The following SHANK2 variants were observed in gnomAD, a reference collection of about 807,000 sequenced individuals.
SHANK2 encodes SH3 and multiple ankyrin repeat domains protein 2.
In SHANK2, 43 loss-of-function variants were observed where a neutral mutation model predicts 133.7. That is an observed-to-expected ratio of 0.32 (90% CI 0.25 to 0.41). The LOEUF (loss-of-function observed/expected upper bound fraction) is 0.41, where lower values mean the gene tolerates loss of function less well. SHANK2 is among the 10% of genes least tolerant of loss of function. SHANK2 has a pLI of 1.00. For synonymous variants in SHANK2, 1,017 were observed against 952.8 expected (o/e 1.07, Z -1.24); for missense variants, 1,994 against 2,235.8 (o/e 0.89, Z 2.18).
chr11:70,848,443 T>C (rs929650114), intron 11 of SHANK2, among the ~76,000 whole-genome samples: 3 of 152,200 alleles, frequency 2.0e-5, no homozygotes, highest in Non-Finnish European at 2.9e-5. Context: ...TGAAGATGAC[T>C]GTGCAAAATA....
intron 17 of SHANK2, among the ~76,000 whole-genome samples, chr11:70,540,215 G>T (rs1554974916): frequency 6.6e-6 from 1 of 152,168 alleles, no homozygotes; most frequent in African/African-American, 2.4e-5. Flanking sequence ...GTGAGTTATG[G>T]GCATGCTTGT....
chr11:70,618,665 G>C (rs1229467071), intron 17 of SHANK2, among the ~76,000 whole-genome samples: 1 of 152,204 alleles, frequency 6.6e-6, no homozygotes, highest in Non-Finnish European at 1.5e-5. Context: ...AATTAACACC[G>C]ACTGGGAGAG....
intron 10 of SHANK2, among the ~76,000 whole-genome samples, chr11:70,903,330 T>C (rs1555077197): frequency 6.6e-6 from 1 of 151,304 alleles, no homozygotes; most frequent in African/African-American, 2.4e-5. Context: ...TGAGCTGAGA[T>C]TGCACCACTG....
At chr11:70,750,289 G>C (rs1946726629) in intron 14 of SHANK2, among the ~76,000 whole-genome samples, 1 of 152,226 alleles carries the variant, frequency 6.6e-6, no homozygotes, top group Non-Finnish European at 1.5e-5. Flanking sequence ...AAGGTTCAGA[G>C]TGCATGGGAG....
At chr11:71,236,000 G>A (rs879967972) in intron 1 of SHANK2, among the ~76,000 whole-genome samples, 3 of 152,192 alleles carry the variant, frequency 2.0e-5, no homozygotes, top group Non-Finnish European at 2.9e-5. Context: ...AGGTGCTGGC[G>A]GCAGAGCCAG....
At chr11:70,788,715 C>T (rs1346131345) in intron 14 of SHANK2, among the ~76,000 whole-genome samples, 1 of 152,170 alleles carries the variant, frequency 6.6e-6, no homozygotes, top group Non-Finnish European at 1.5e-5. Context: ...CCTGCCCAGC[C>T]CTGACCCCAG....
At chr11:71,095,294 A>G (rs1555095139) in intron 6 of SHANK2, among the ~76,000 whole-genome samples, 1 of 152,224 alleles carries the variant, frequency 6.6e-6, no homozygotes, top group Non-Finnish European at 1.5e-5. Flanking sequence ...CTGCCTTTGT[A>G]GGGACAAGGG....
chr11:70,717,909 A>G (rs1304180359), intron 14 of SHANK2, among the ~76,000 whole-genome samples: 1 of 152,192 alleles, frequency 6.6e-6, no homozygotes, highest in African/African-American at 2.4e-5. Flanking sequence ...GGAATGTTTC[A>G]TCCATGAGGA....
chr11:70,522,577 T>G (rs1554971245), intron 17 of SHANK2, among the ~76,000 whole-genome samples: 1 of 152,212 alleles, frequency 6.6e-6, no homozygotes, highest in African/African-American at 2.4e-5. Context: ...CTATCGTCTC[T>G]CATCCTACCC....
intron 17 of SHANK2, among the ~76,000 whole-genome samples, chr11:70,641,262 A>AT (rs1322436439): frequency 3.3e-5 from 5 of 151,956 alleles, no homozygotes; most frequent in African/African-American, 7.2e-5. Flanking sequence ...CGCCTGGATA[A>AT]TTTTTTTGTA....
intron 12 of SHANK2, among the ~76,000 whole-genome samples, chr11:70,808,398 C>T (rs1285024429): frequency 6.6e-6 from 1 of 151,728 alleles, no homozygotes; most frequent in African/African-American, 2.4e-5. Context: ...GATGCGGTTT[C>T]ACCATGTTCA....
intron 9 of SHANK2, among the ~76,000 whole-genome samples, 164 bp downstream of exon 9, chr11:71,074,995 G>T (rs1951200124): frequency 6.6e-6 from 1 of 151,972 alleles, no homozygotes; most frequent in Non-Finnish European, 1.5e-5. Flanking sequence ...TAGCAGGATG[G>T]TCTCGATCTC....
intron 11 of SHANK2, chr11:70,895,617 G>A (rs554210969): frequency 6.5e-6 from 1 of 152,682 alleles, no homozygotes; most frequent in Admixed American, 6.5e-5. Flanking sequence ...GTGAAGCAGA[G>A]GCAACCAGAG....
At chr11:71,136,219 G>A (rs1298214648) in intron 3 of SHANK2, among the ~76,000 whole-genome samples, 3 of 152,158 alleles carry the variant, frequency 2.0e-5, no homozygotes, top group Non-Finnish European at 4.4e-5. Flanking sequence ...CCCTGGGGAT[G>A]GACCTCAAAG....
rs1437961155 is a variant in SHANK2, at chr11:70,502,096, GA to G, written c.2278+109del. The stretch of plus-strand genomic sequence containing the variant: ...GATGCACGTCTGGGTACAGGGGCAG[GA>G]GGGGGGTAGCGAGCAAGCGTGGGGT... On this transcript the variant is annotated intron_variant, in intron 19 of 25. Transcript: ENST00000601538. 13 of 1,346,590 alleles carry G rather than the reference GA, an allele frequency of 9.7e-6. No individual in the cohort carries two copies. In the East Asian group the frequency reaches 3.3e-4, roughly 34 times the overall value. The allele number at this position is 1,346,590 out of a possible 1,614,324, so 83.4% of individuals were successfully genotyped here. A position where few individuals can be genotyped will look rare whatever the true frequency, so the allele number is the denominator to read the frequency against.
rs781747440 is a variant in SHANK2 at position 70,820,348 on chromosome 11, G to A, written c.1493+16C>T. The A allele has an allele frequency of 6.8e-5, 41 of 603,916 alleles. No individual in the cohort carries two copies. Among genetic ancestry groups the A allele is most frequent in the South Asian group, 2.1e-4 (10 of 48,610 alleles). 37.4% of individuals were successfully genotyped at this position (603,916 alleles called of 1,614,324 possible). Reference sequence around the variant, plus strand: ...ACGTGGCGGTCTTCCTTCCCTTGGCGTCTGCCACTCCTTACCCGACATGCC... The same window carrying A: ...ACGTGGCGGTCTTCCTTCCCTTGGCATCTGCCACTCCTTACCCGACATGCC... On this transcript the variant is annotated intron_variant, in intron 12 of 25. Coordinates refer to ENST00000601538, the MANE Select transcript of SHANK2 (RefSeq NM_012309.5).
chr11:70,577,726 C>G (rs1351311543), intron 17 of SHANK2, among the ~76,000 whole-genome samples: 1 of 152,162 alleles, frequency 6.6e-6, no homozygotes, highest in Non-Finnish European at 1.5e-5. Context: ...TACCCCACAG[C>G]CAGGTGGGCT....
intron 17 of SHANK2, among the ~76,000 whole-genome samples, chr11:70,549,042 A>C (rs1438868390): frequency 1.3e-5 from 2 of 152,106 alleles, no homozygotes; most frequent in Non-Finnish European, 2.9e-5. Flanking sequence ...GCTAGCCCCC[A>C]AACTGTCAGA....
intron 17 of SHANK2, among the ~76,000 whole-genome samples, chr11:70,540,676 C>T (rs541077983): frequency 6.6e-6 from 1 of 152,136 alleles, no homozygotes; most frequent in South Asian, 2.1e-4. Context: ...CATAAAACTT[C>T]CAACCTGCCC....
Sources: gnomAD v4.1 joint callset for allele counts (sites outside exome capture counted in the v4.1 genomes callset) on GRCh38, gnomAD v4.1.1 for gene constraint, MANE v1.5 for transcripts, NCBI Gene and HGNC (gene_info 2026-07-23, HGNC 2026-07-21) for gene names.